The following SCN2A variants were observed in gnomAD, a reference collection of about 807,000 sequenced individuals.
SCN2A encodes sodium channel protein type 2 subunit alpha.
Under a neutral mutation model 188.7 loss-of-function variants are expected in SCN2A, and 20 were observed. The observed-to-expected ratio is 0.11, with a 90% confidence interval of 0.07 to 0.15. The LOEUF is 0.15. Among genes scored for constraint, SCN2A ranks in the 10% least tolerant of loss-of-function variants. The pLI is 1.00. For missense variants in SCN2A, 1,278 were observed against 2,445.0 expected, an observed-to-expected ratio of 0.52 and a Z score of 10.07; for synonymous variants, 804 against 833.1, an observed-to-expected ratio of 0.97 and a Z score of 0.60.
Position 165,248,155 on chromosome 2 carries a change from C to G in SCN2A, c.-52+8515C>G, listed in dbSNP as rs144926578. Among the ~76,000 whole-genome samples the G allele has an allele frequency of 7.7e-3, 1,178 of 152,200 alleles. 13 individuals are homozygous for G. The highest frequency in any genetic ancestry group is 8.7e-3 in the Non-Finnish European group (591 of 67,998). On this transcript the variant is annotated intron_variant, in intron 1 of 26. Coordinates refer to ENST00000375437, the MANE Select transcript of SCN2A (RefSeq NM_001040142.2). ...CTTAATTTCCTAATTGGACTTTATT[C>G]TTCTACTTCTCCTTACAATCTATTC...
At chr2:165,378,215 GA>G (rs58765904) in intron 23 of SCN2A, among the ~76,000 whole-genome samples, 93,127 of 133,712 alleles carry the variant, frequency 0.7, 31,066 homozygotes, top group Admixed American at 0.75. Flanking sequence ...GTCACATTTT[GA>G]AAAAAAAAAA....
chr2:165,340,128 T>C (rs761052147), intron 14 of SCN2A, among the ~76,000 whole-genome samples: 4 of 152,194 alleles, frequency 2.6e-5, no homozygotes, highest in Non-Finnish European at 4.4e-5. Context: ...TTATGCCAAG[T>C]GCCAGAATCA....
chr2:165,339,354 T>G (rs772883287), intron 14 of SCN2A, among the ~76,000 whole-genome samples: 4 of 152,046 alleles, frequency 2.6e-5, no homozygotes, highest in Non-Finnish European at 4.4e-5. Context: ...TAGACAAATA[T>G]GTCTATTTTT....
At chr2:165,309,259 A>G in intron 5 of SCN2A, 93 bp from the exon 6 acceptor site, 1 of 1,613,544 alleles carries the variant, frequency 6.2e-7, no homozygotes, top group Non-Finnish European at 8.5e-7. Flanking sequence ...AATTCCAGGT[A>G]AGAAGAAAAT....
intron 11 of SCN2A, among the ~76,000 whole-genome samples, chr2:165,316,079 G>A (rs1697731864): frequency 6.6e-6 from 1 of 152,114 alleles, no homozygotes. Flanking sequence ...TAACTATTGT[G>A]CGTGGATCTA....
intron 1 of SCN2A, among the ~76,000 whole-genome samples, chr2:165,263,741 T>C (rs1260230859): frequency 2.6e-5 from 4 of 152,114 alleles, no homozygotes; most frequent in Non-Finnish European, 4.4e-5. Context: ...TTTTTCTAGT[T>C]CTATGAAGAA....
intron 17 of SCN2A, among the ~76,000 whole-genome samples, chr2:165,361,950 G>A (rs1161318503): frequency 1.3e-5 from 2 of 152,024 alleles, no homozygotes; most frequent in African/African-American, 2.4e-5. Context: ...AAAGATTTGT[G>A]TTACTCTGCA....
At chr2:165,297,522 A>T (rs532581990) in intron 3 of SCN2A, among the ~76,000 whole-genome samples, 1 of 152,348 alleles carries the variant, frequency 6.6e-6, no homozygotes, top group Admixed American at 6.5e-5. Context: ...TACATTTGGA[A>T]AATAAATATA....
intron 19 of SCN2A, among the ~76,000 whole-genome samples, chr2:165,368,924 T>TTTA (rs36023130): frequency 0.21 from 32,103 of 151,112 alleles, 3,949 homozygotes; most frequent in East Asian, 0.34. Context: ...TTTCTTTACC[T>TTTA]TTATTATTAT....
intron 17 of SCN2A, among the ~76,000 whole-genome samples, chr2:165,361,043 A>C (rs1206549529): frequency 6.6e-6 from 1 of 151,896 alleles, no homozygotes. Flanking sequence ...TCCTAATTTG[A>C]TTAATTTTAT....
At chr2:165,317,520 A>AAACTTCATATC (rs1285594409) in intron 11 of SCN2A, among the ~76,000 whole-genome samples, 1 of 152,096 alleles carries the variant, frequency 6.6e-6, no homozygotes, top group Non-Finnish European at 1.5e-5. Context: ...CCTAGATTTG[A>AAACTTCATATC]AACTTCATAT....
intron 1 of SCN2A, among the ~76,000 whole-genome samples, chr2:165,280,349 T>G (rs1048784557): frequency 6.6e-6 from 1 of 152,080 alleles, no homozygotes; most frequent in Non-Finnish European, 1.5e-5. Context: ...AAGAAAAAAC[T>G]CTTGTTCTCA....
intron 1 of SCN2A, chr2:165,272,553 A>G (rs534411838): frequency 1.8e-4 from 28 of 152,200 alleles, no homozygotes; most frequent in Admixed American, 6.5e-4. Context: ...CAACAACTTC[A>G]GAATATACAT....
intron 13 of SCN2A, 43 bp downstream of exon 13, chr2:165,327,027 A>G (rs754310200): frequency 5.6e-6 from 9 of 1,610,906 alleles, no homozygotes; most frequent in Non-Finnish European, 7.6e-6. Flanking sequence ...GTGCTTTGGT[A>G]ATGATGAAAA....
chr2:165,291,436 C>CTCTTTCTTTCTCTTTCTTTCTTTCTT (rs1553563560), intron 1 of SCN2A, among the ~76,000 whole-genome samples: 1 of 65,406 alleles, frequency 1.5e-5, no homozygotes, highest in African/African-American at 5.5e-5. Flanking sequence ...GTCTTTCTTT[C>CTCTTTCTTTCTCTTTCTTTCTTTCTT]TCTTTCTTTC....
intron 3 of SCN2A, among the ~76,000 whole-genome samples, chr2:165,305,222 G>A (rs901798748): frequency 6.6e-6 from 1 of 152,316 alleles, no homozygotes; most frequent in South Asian, 2.1e-4. Context: ...ATAAGACACA[G>A]AGACGTCAAA....
chr2:165,369,854 A>C (rs563117829), intron 19 of SCN2A, among the ~76,000 whole-genome samples: 1 of 152,158 alleles, frequency 6.6e-6, no homozygotes, highest in Admixed American at 6.5e-5. Context: ...TGATGTAGAG[A>C]GAAGCAGCTG....
At chr2:165,339,337 C>A (rs1041539896) in intron 14 of SCN2A, among the ~76,000 whole-genome samples, 3 of 151,916 alleles carry the variant, frequency 2.0e-5, no homozygotes, top group African/African-American at 7.2e-5. Context: ...GTGCTTTCCC[C>A]TTAACATAGA....
chr2:165,291,040 T>TC (rs1191574570), intron 1 of SCN2A, among the ~76,000 whole-genome samples: 4 of 126,302 alleles, frequency 3.2e-5, no homozygotes, highest in Non-Finnish European at 6.5e-5. Flanking sequence ...TCTTTCTTTT[T>TC]TTTTTTTTTT....
Sources: gnomAD v4.1 joint callset for allele counts (sites outside exome capture counted in the v4.1 genomes callset) on GRCh38, gnomAD v4.1.1 for gene constraint, MANE v1.5 for transcripts, NCBI Gene and HGNC (gene_info 2026-07-23, HGNC 2026-07-21) for gene names.